Variants in RGS17 observed in about 807,000 individuals in gnomAD.
RGS17 encodes the protein regulator of G-protein signaling 17.
A neutral mutation model predicts 25.5 loss-of-function variants in RGS17; 12 were observed. The observed-to-expected ratio is 0.47, with a 90% CI of 0.30 to 0.76. The LOEUF is 0.76. Among genes scored for constraint, RGS17 ranks in the 30% least tolerant of loss-of-function variants. The pLI is 0.07. For missense variants in RGS17, 196 were observed against 242.2 expected (o/e 0.81, Z 1.27); for synonymous variants, 71 against 76.9 (o/e 0.92, Z 0.40).
chr6:153,095,360 G>C (rs1017108769), intron 1 of RGS17, among the ~76,000 whole-genome samples: 5 of 151,888 alleles, frequency 3.3e-5, no homozygotes, highest in Non-Finnish European at 7.4e-5. Context: ...AACACAACAT[G>C]AATAAAATAG....
At chr6:153,121,849 G>T (rs12197280) in intron 1 of RGS17, among the ~76,000 whole-genome samples, 16,955 of 152,024 alleles carry the variant, frequency 0.11, 1,042 homozygotes, top group East Asian at 0.18. Flanking sequence ...TCAAGAAAAG[G>T]GCTTCACATT....
chr6:153,124,379 T>G (rs749614257), intron 1 of RGS17, among the ~76,000 whole-genome samples: 7 of 152,130 alleles, frequency 4.6e-5, no homozygotes, highest in Non-Finnish European at 1.0e-4. Flanking sequence ...ACACACGAAA[T>G]ACATGGAGAA....
At chr6:153,061,227 G>A (rs1776633645) in intron 1 of RGS17, among the ~76,000 whole-genome samples, 1 of 152,188 alleles carries the variant, frequency 6.6e-6, no homozygotes, top group Non-Finnish European at 1.5e-5. Flanking sequence ...GGACAAAAAT[G>A]CATTACAGTT....
chr6:153,110,219 C>T (rs1260975709), intron 1 of RGS17, among the ~76,000 whole-genome samples: 1 of 152,160 alleles, frequency 6.6e-6, no homozygotes, highest in Non-Finnish European at 1.5e-5. Context: ...CTCTTCTCCT[C>T]TCCGTAGTTC....
chr6:153,124,323 T>C (rs55959838), intron 1 of RGS17, among the ~76,000 whole-genome samples: 3 of 152,168 alleles, frequency 2.0e-5, no homozygotes, highest in Non-Finnish European at 4.4e-5. Context: ...GGTGCTCAAA[T>C]ATGTTTGTAA....
intron 4 of RGS17, among the ~76,000 whole-genome samples, chr6:153,020,729 T>C (rs1779240395): frequency 6.6e-6 from 1 of 152,206 alleles, no homozygotes; most frequent in Admixed American, 6.5e-5. Context: ...GGCATTACCA[T>C]TTTATAATGA....
At chr6:153,029,248 T>G (rs73008595) in intron 2 of RGS17, among the ~76,000 whole-genome samples, 3 of 152,246 alleles carry the variant, frequency 2.0e-5, no homozygotes, top group Non-Finnish European at 4.4e-5. Flanking sequence ...ACAGACAAAT[T>G]GTCCTTTTTA....
intron 2 of RGS17, among the ~76,000 whole-genome samples, chr6:153,041,652 A>T (rs1305656708): frequency 1.3e-5 from 2 of 152,240 alleles, no homozygotes; most frequent in Admixed American, 1.3e-4. Flanking sequence ...CAGCTAAGGA[A>T]AATCATATAC....
chr6:153,007,551 CTATA>C lies in RGS17; in HGVS notation c.*4019_*4022del, dbSNP rs1217759576. 2 of 151,928 alleles carry C rather than the reference CTATA, an allele frequency of 1.3e-5. No individual in the cohort carries two copies. The highest frequency in any genetic ancestry group is 2.1e-4 in the South Asian group (1 of 4,826). 9.4% of individuals were successfully genotyped at this position (151,928 alleles called of 1,614,324 possible). A position where few individuals can be genotyped will look rare whatever the true frequency, so the allele number is the denominator to read the frequency against. On this transcript the variant is annotated 3_prime_UTR_variant, in exon 5 of 5. Coordinates refer to ENST00000206262, the MANE Select transcript of RGS17 (RefSeq NM_012419.5). ...AAATACATGTTTGATAGGCTTCTATCTATAGGCATTTTCTGTCTAAGACTTAAAA... is the reference window on the plus strand; with the variant it reads ...AAATACATGTTTGATAGGCTTCTATCGGCATTTTCTGTCTAAGACTTAAAA...
intron 1 of RGS17, among the ~76,000 whole-genome samples, chr6:153,048,832 T>C (rs1776419213): frequency 6.6e-6 from 1 of 152,182 alleles, no homozygotes; most frequent in African/African-American, 2.4e-5. Context: ...CCATATAATG[T>C]ATCATCACTA....
At chr6:153,109,760 T>C (rs1430825476) in intron 1 of RGS17, among the ~76,000 whole-genome samples, 1 of 152,126 alleles carries the variant, frequency 6.6e-6, no homozygotes, top group Non-Finnish European at 1.5e-5. Context: ...ACTTGGAGAG[T>C]GTCAGGGTGC....
At chr6:153,074,640 G>T (rs1776851337) in intron 1 of RGS17, among the ~76,000 whole-genome samples, 1 of 152,132 alleles carries the variant, frequency 6.6e-6, no homozygotes, top group Non-Finnish European at 1.5e-5. Context: ...CTTCATAGTT[G>T]CCAGGTATAT....
intron 1 of RGS17, among the ~76,000 whole-genome samples, chr6:153,096,735 G>A (rs1584155318): frequency 6.6e-6 from 1 of 152,158 alleles, no homozygotes; most frequent in Admixed American, 6.5e-5. Flanking sequence ...TATCAAGTTG[G>A]ATGAATAATA....
chr6:153,054,419 A>G (rs1417206950), intron 1 of RGS17, among the ~76,000 whole-genome samples: 6 of 151,480 alleles, frequency 4.0e-5, no homozygotes, highest in Admixed American at 4.0e-4. Flanking sequence ...GGAGGTTGAG[A>G]TGAGCAGATC....
At position 153,006,045 on chromosome 6, in the gene RGS17, C is replaced by T. The variant is rs1157555652; in HGVS notation, c.*5529G>A. 1 of 152,130 alleles carries T rather than the reference C, an allele frequency of 6.6e-6. No homozygotes were observed. Among genetic ancestry groups the T allele is most frequent in the African/African-American group, 2.4e-5 (1 of 41,418 alleles). The allele number at this position is 152,130 out of a possible 1,614,324, so 9.4% of individuals were successfully genotyped here. On this transcript the variant is annotated 3_prime_UTR_variant, in exon 5 of 5. Coordinates refer to ENST00000206262, the MANE Select transcript of RGS17 (RefSeq NM_012419.5). ...TTTATTTTTTTCTTAGAGTCAGGGT[C>T]TCACTTTGTTGCATAGACATGTCTG...
At chr6:153,053,395 G>A (rs552541940) in intron 1 of RGS17, among the ~76,000 whole-genome samples, 1 of 152,266 alleles carries the variant, frequency 6.6e-6, no homozygotes, top group Admixed American at 6.5e-5. Flanking sequence ...TCCATTACTG[G>A]GTGTTCGGGA....
chr6:153,033,915 C>A (rs1188514093), intron 2 of RGS17, among the ~76,000 whole-genome samples: 2 of 152,042 alleles, frequency 1.3e-5, no homozygotes, highest in Non-Finnish European at 2.9e-5. Context: ...TGTGAAAAGG[C>A]CAAATGGACT....
At chr6:153,122,889 G>T (rs1265512443) in intron 1 of RGS17, among the ~76,000 whole-genome samples, 11 of 117,718 alleles carry the variant, frequency 9.3e-5, no homozygotes, top group African/African-American at 3.7e-4. Context: ...CCAAACAGTA[G>T]GTAGGGAAAA....
At chr6:153,086,686 C>T (rs1359372015) in intron 1 of RGS17, among the ~76,000 whole-genome samples, 2 of 152,148 alleles carry the variant, frequency 1.3e-5, no homozygotes, top group Non-Finnish European at 2.9e-5. Flanking sequence ...TAACTAACTC[C>T]ATCATATAGA....
Sources: gnomAD v4.1 joint callset for allele counts (sites outside exome capture counted in the v4.1 genomes callset) on GRCh38, gnomAD v4.1.1 for gene constraint, MANE v1.5 for transcripts, NCBI Gene and HGNC (gene_info 2026-07-23, HGNC 2026-07-21) for gene names.